Variants in ENOX1 observed in about 807,000 individuals in gnomAD.
The protein encoded by ENOX1 is candidate growth-related and time keeping constitutive hydroquinone (NADH) oxidase.
ENOX1 carries 42 observed loss-of-function variants against 82.5 expected under a neutral mutation model. The ratio of observed to expected loss-of-function variants is 0.51; its 90% CI spans 0.40 to 0.66. The LOEUF (loss-of-function observed/expected upper bound fraction) is 0.66, where lower values mean the gene tolerates loss of function less well. Among genes scored for constraint, ENOX1 ranks in the 30% least tolerant of loss-of-function variants. The pLI, the probability that ENOX1 is intolerant of heterozygous loss-of-function variation, is 0.00. For missense variants in ENOX1, 608 were observed against 811.6 expected, an observed-to-expected ratio of 0.75 and a Z score of 3.05; for synonymous variants, 271 against 282.2, an observed-to-expected ratio of 0.96 and a Z score of 0.40.
At chr13:43,357,231 T>C (rs1042489735) in intron 7 of ENOX1, among the ~76,000 whole-genome samples, 1 of 152,148 alleles carries the variant, frequency 6.6e-6, no homozygotes, top group Non-Finnish European at 1.5e-5. Context: ...GATACAACTG[T>C]AAAATGCTAG....
intron 1 of ENOX1, among the ~76,000 whole-genome samples, chr13:43,762,680 AATGCACTC>A (rs1433713813): frequency 1.3e-4 from 20 of 152,304 alleles, no homozygotes; most frequent in African/African-American, 4.3e-4. Context: ...GAGTATTGAA[AATGCACTC>A]ATGGTAGCCA....
chr13:43,317,777 G>A (rs1454185019), intron 11 of ENOX1, among the ~76,000 whole-genome samples: 3 of 151,710 alleles, frequency 2.0e-5, no homozygotes, highest in Non-Finnish European at 4.4e-5. Context: ...AGGCCGAGGT[G>A]AGCGGCTCAC....
intron 2 of ENOX1, among the ~76,000 whole-genome samples, chr13:43,577,019 G>A (rs957700708): frequency 6.6e-6 from 1 of 152,158 alleles, no homozygotes; most frequent in South Asian, 2.1e-4. Context: ...ATTGTGTAAG[G>A]CACTGAAGAT....
At chr13:43,453,668 C>A (rs946618024) in intron 3 of ENOX1, among the ~76,000 whole-genome samples, 4 of 152,152 alleles carry the variant, frequency 2.6e-5, no homozygotes, top group African/African-American at 9.6e-5. Context: ...CTCAAAGATC[C>A]CTCAGAGAGC....
intron 1 of ENOX1, among the ~76,000 whole-genome samples, chr13:43,717,682 C>T (rs2088243096): frequency 2.0e-5 from 3 of 151,938 alleles, no homozygotes; most frequent in Admixed American, 2.0e-4. Flanking sequence ...CAAGCAAAAA[C>T]AAATCAACAA....
In ENOX1 at chr13:43,533,060, G is replaced by A. The variant is rs116869975; in HGVS notation, c.-218-48908C>T. 8.9e-3 allele frequency among the ~76,000 whole-genome samples: 1,347 copies of A among 152,162 alleles called. 11 individuals are homozygous for A. Among genetic ancestry groups the A allele is most frequent in the Non-Finnish European group, 0.013 (896 of 67,998 alleles). On this transcript the variant is annotated intron_variant, in intron 2 of 16. Transcript: ENST00000690772. ...ACAGCACTTTTACAGAAAGCACAGT[G>A]ATCTTTTTCATGGACATGCCTTAAT... is the stretch of plus-strand genomic sequence containing the variant.
At chr13:43,487,991 T>G (rs1384445240) in intron 2 of ENOX1, among the ~76,000 whole-genome samples, 1 of 152,196 alleles carries the variant, frequency 6.6e-6, no homozygotes, top group African/African-American at 2.4e-5. Flanking sequence ...AACATATAGT[T>G]CCTCTGGATA....
chr13:43,444,212 GAGTCTGCTAAAACAC>G (rs1261217945), intron 3 of ENOX1, among the ~76,000 whole-genome samples: 1 of 152,166 alleles, frequency 6.6e-6, no homozygotes, highest in Non-Finnish European at 1.5e-5. Context: ...TCTTAAGAAA[GAGTCTGCTAAAACAC>G]AGTCTGCCAG....
Position 43,616,204 on chromosome 13 carries a change from A to ATATATATATATATATATATATTTTTT in ENOX1, c.-219+51274_-219+51275insAAAAAATATATATATATATATATATA, listed in dbSNP as rs1457149422. ...TATCTATCTATATATATATATATAT[A>ATATATATATATATATATATATTTTTT]TTTTTTTTTTTTTTTTAGGACGGAG... On this transcript the variant is annotated intron_variant, in intron 2 of 16. Transcript: ENST00000690772. 2.6e-4 allele frequency among the ~76,000 whole-genome samples: 4 copies of ATATATATATATATATATATATTTTTT among 15,316 alleles called. 1 individual carries two copies. Among genetic ancestry groups the ATATATATATATATATATATATTTTTT allele is most frequent in the Admixed American group, 3.2e-3 (2 of 622 alleles). 10.0% of individuals were successfully genotyped at this position (15,316 alleles called of 152,430 possible). A position where few individuals can be genotyped will look rare whatever the true frequency, so the allele number is the denominator to read the frequency against.
At chr13:43,630,472 C>A (rs968156301) in intron 2 of ENOX1, among the ~76,000 whole-genome samples, 3 of 152,092 alleles carry the variant, frequency 2.0e-5, no homozygotes. Flanking sequence ...ACTCTCCCCT[C>A]AATTAAAGCT....
intron 3 of ENOX1, among the ~76,000 whole-genome samples, chr13:43,477,270 C>A (rs958304495): frequency 1.3e-5 from 2 of 150,908 alleles, no homozygotes; most frequent in Admixed American, 6.6e-5. Flanking sequence ...CATGATAGTA[C>A]CTCTGGGAAA....
At chr13:43,282,928 T>TA (rs773932560) in intron 12 of ENOX1, among the ~76,000 whole-genome samples, 39 of 151,624 alleles carry the variant, frequency 2.6e-4, no homozygotes, top group Non-Finnish European at 4.7e-4. Context: ...CCATCTCTAC[T>TA]AAAAAAATAC....
At chr13:43,323,103 T>C (rs1218538283) in intron 10 of ENOX1, among the ~76,000 whole-genome samples, 1 of 152,216 alleles carries the variant, frequency 6.6e-6, no homozygotes, top group Non-Finnish European at 1.5e-5. Flanking sequence ...CATGCAAACA[T>C]AGTGCCCCTG....
chr13:43,297,941 C>T (rs1225018539), intron 12 of ENOX1, among the ~76,000 whole-genome samples: 5 of 152,184 alleles, frequency 3.3e-5, no homozygotes, highest in Admixed American at 6.5e-5. Context: ...TTTACATTTA[C>T]ACTAACCTTG....
intron 3 of ENOX1, among the ~76,000 whole-genome samples, chr13:43,450,546 C>T (rs897310840): frequency 5.9e-5 from 9 of 151,970 alleles, no homozygotes; most frequent in Non-Finnish European, 4.4e-5. Flanking sequence ...TGGGGAAGGG[C>T]CTTTATTATG....
At chr13:43,303,716 T>C (rs1593811552) in intron 11 of ENOX1, among the ~76,000 whole-genome samples, 1 of 152,020 alleles carries the variant, frequency 6.6e-6, no homozygotes, top group South Asian at 2.1e-4. Flanking sequence ...CAGCAGCTGG[T>C]GTTACTCTAA....
chr13:43,373,620 G>A (rs1277271181), intron 5 of ENOX1, among the ~76,000 whole-genome samples: 1 of 152,002 alleles, frequency 6.6e-6, no homozygotes, highest in Non-Finnish European at 1.5e-5. Flanking sequence ...ACACACACAC[G>A]TGTCTTTTTA....
chr13:43,689,163 GT>G (rs1202909399), intron 1 of ENOX1, among the ~76,000 whole-genome samples: 1 of 152,186 alleles, frequency 6.6e-6, no homozygotes, highest in Non-Finnish European at 1.5e-5. Context: ...GTCTAGCTGT[GT>G]TTGTTTCTAG....
chr13:43,333,383 G>T (rs2048517739), intron 9 of ENOX1, among the ~76,000 whole-genome samples: 1 of 152,162 alleles, frequency 6.6e-6, no homozygotes, highest in South Asian at 2.1e-4. Flanking sequence ...GTAACCAATT[G>T]TCTGCACCAG....
Sources: gnomAD v4.1 joint callset for allele counts (sites outside exome capture counted in the v4.1 genomes callset) on GRCh38, gnomAD v4.1.1 for gene constraint, MANE v1.5 for transcripts, NCBI Gene and HGNC (gene_info 2026-07-23, HGNC 2026-07-21) for gene names.